MFRP: variants seen among roughly 807,000 people sequenced by gnomAD.
MFRP encodes membrane frizzled-related protein.
A neutral mutation model predicts 65.8 loss-of-function variants in MFRP; 74 were observed. That is an observed-to-expected ratio of 1.12 (90% CI 0.93 to 1.36). MFRP has a LOEUF of 1.36. Ranked by LOEUF, MFRP falls within the 40% of genes most tolerant of loss-of-function variation. MFRP has a pLI of 0.00. For missense variants in MFRP, 838 were observed against 736.0 expected, an observed-to-expected ratio of 1.14 and a Z score of -1.60; for synonymous variants, 336 against 288.3, an observed-to-expected ratio of 1.17 and a Z score of -1.68.
In MFRP at chr11:119,342,147, T is replaced by C. The variant is rs574461996; in HGVS notation, c.1388-163A>G. ...AGACAGGCTGTACACACTCTGAGGA[T>C]CCCTGCCATCCCTGAGAGCCTGCTC... On this transcript the variant is annotated intron_variant, in intron 11 of 14. Transcript: ENST00000619721. Among the ~76,000 whole-genome samples the C allele has an allele frequency of 3.3e-5, 5 of 152,238 alleles. No individual in the cohort carries two copies. In the South Asian group the frequency reaches 1.0e-3, roughly 32 times the overall value.
In MFRP at chr11:119,339,142, A is replaced by C; in HGVS notation, c.*1817T>G. Reference sequence around the variant, plus strand: ...TGGGCAGAAATCCAGCCACTGCCCCATGCTGCCAGACCTGATCGCAGACAG... The same window carrying C: ...TGGGCAGAAATCCAGCCACTGCCCCCTGCTGCCAGACCTGATCGCAGACAG... On this transcript the variant is annotated 3_prime_UTR_variant, in exon 15 of 15. Transcript: ENST00000619721. This position sits in a 1 kb window ranked among gnomAD's most constrained non-coding sequence, Gnocchi z 5.4. 1.5e-6 allele frequency: 1 copy of C among 654,720 alleles called. No homozygotes were observed. The highest frequency in any genetic ancestry group is 2.6e-6 in the Non-Finnish European group (1 of 390,994). The allele number at this position is 654,720 out of a possible 1,614,324, so 40.6% of individuals were successfully genotyped here.
Position 119,345,853 on chromosome 11 carries a change from G to T in MFRP, c.347C>A (p.Thr116Asn), listed in dbSNP as rs1299599168. Residue 116 changes from threonine (T) to asparagine (N), a missense_variant, in exon 4 of 15, where the codon ACC becomes AAC. Coordinates refer to ENST00000619721, the MANE Select transcript of MFRP (RefSeq NM_031433.4). Reference sequence around the variant, plus strand: ...TGCCTGAGAGGTGGTGATGGTGGGGGTGGTGGTGGTCGTGGTAAGGCCTCC... The same window carrying T: ...TGCCTGAGAGGTGGTGATGGTGGGGTTGGTGGTGGTCGTGGTAAGGCCTCC... The part of the protein sequence containing the change: ...PAGGLTTTTT[T>N]PTITTSQAAG... 3 of 1,613,834 alleles carry T rather than the reference G, an allele frequency of 1.9e-6. No homozygotes were observed. The highest frequency in any genetic ancestry group is 1.7e-6 in the Non-Finnish European group (2 of 1,179,948).
rs1232701587 is a variant in MFRP at position 119,345,789 on chromosome 11, G to A, written c.411C>T (p.Ser137=). The A allele has an allele frequency of 6.2e-7, 1 of 1,613,696 alleles. No homozygotes were observed. The highest frequency in any genetic ancestry group is 8.5e-7 in the Non-Finnish European group (1 of 1,180,024). ...TPKGQQESGV[S]PSPQSTCGGL... is the part of the protein sequence containing the mutation. ...AGTACTCACTGGACTGTGGGGAGGG[G>A]CTCACGCCTGACTCCTGCTGCCCTT... Residue 137 remains serine (S), a synonymous_variant, in exon 4 of 15, where the codon AGC becomes AGT. Transcript: ENST00000619721.
At chr11:119,342,072 G>C (rs1357690901) in intron 11 of MFRP, 88 bp from the exon 12 acceptor site, 1 of 1,541,792 alleles carries the variant, frequency 6.5e-7, no homozygotes, top group African/African-American at 1.4e-5. Flanking sequence ...GGTCCTGTGT[G>C]TACATGGGTC....
intron 10 of MFRP, 44 bp from the exon 11 acceptor site, chr11:119,342,771 A>G: frequency 6.2e-7 from 1 of 1,612,060 alleles, no homozygotes; most frequent in Non-Finnish European, 8.5e-7. Flanking sequence ...ACATACCTAC[A>G]CCCCCAGTAC....
chr11:119,346,230 G>A (rs894094120), intron 2 of MFRP, 42 bp downstream of exon 2: 1 of 1,572,906 alleles, frequency 6.4e-7, no homozygotes, highest in Non-Finnish European at 8.6e-7. Context: ...TTGGCTCCTG[G>A]GCCTCTCTGT....
rs753835210 is a variant in MFRP at position 119,344,386 on chromosome 11, C to A, written c.904G>T (p.Gly302Trp). The change falls in exon 8 of 15, where the codon GGG becomes TGG. Residue 302 changes from glycine (G) to tryptophan (W), a missense_variant. Coordinates refer to ENST00000619721, the MANE Select transcript of MFRP (RefSeq NM_031433.4). ...CCCTGGAGGCCAGTCAGATTCCCCC[C>A]ACACCCTGTAGAGAGGTGGAAGGGC... ...TNCSAKFSGCGGNLTGLQGTF... is the reference protein window; with the variant it reads ...TNCSAKFSGCWGNLTGLQGTF... 24 of 1,613,644 alleles carry A rather than the reference C, an allele frequency of 1.5e-5. No homozygotes were observed. Among genetic ancestry groups the A allele is most frequent in the African/African-American group, 2.7e-5 (2 of 75,006 alleles).
In MFRP at chr11:119,345,901, G is replaced by T. The variant is rs1399208418; in HGVS notation, c.299C>A (p.Ala100Glu). 8.7e-6 allele frequency: 14 copies of T among 1,613,494 alleles called. No individual in the cohort carries two copies. Among genetic ancestry groups the T allele is most frequent in the Non-Finnish European group, 1.2e-5 (14 of 1,179,740 alleles). ...TCCGGCAGGCAGTGGGCTATGGGAC[G>T]CCCCAGATGGGGGTGCAGCCTGCAG... is the stretch of plus-strand genomic sequence containing the variant. ...AQLQAAPPSG[A>E]SHSPLPAGGL... The change falls in exon 4 of 15, where the codon GCG becomes GAG. Residue 100 changes from alanine (A) to glutamate (E), a missense_variant. Physicochemically the swap from Ala to Glu is moderately radical, Grantham distance 107. Transcript: ENST00000619721.
At position 119,345,891 on chromosome 11, in the gene MFRP, G is replaced by A. The variant is rs767087902; in HGVS notation, c.309C>T (p.Ser103=). 13 of 1,613,632 alleles carry A rather than the reference G, an allele frequency of 8.1e-6. No homozygotes were observed. The highest frequency in any genetic ancestry group is 1.7e-5 in the Admixed American group (1 of 60,000). The change falls in exon 4 of 15, where the codon AGC becomes AGT. Residue 103 remains serine (S), a synonymous_variant. Coordinates refer to ENST00000619721, the MANE Select transcript of MFRP (RefSeq NM_031433.4). The part of the protein sequence containing the change: ...QAAPPSGASH[S]PLPAGGLTTT... ...TGGTAAGGCCTCCGGCAGGCAGTGG[G>A]CTATGGGACGCCCCAGATGGGGGTG...
chr11:119,340,638 G>C, intron 13 of MFRP, 57 bp downstream of exon 13: 1 of 545,470 alleles, frequency 1.8e-6, no homozygotes, highest in Non-Finnish European at 3.2e-6. Flanking sequence ...GCCGGCCCGC[G>C]CCAGCCTTTC....
chr11:119,339,476 A>G lies in MFRP; in HGVS notation c.*1483T>C. Reference sequence around the variant, plus strand: ...TTGGTCCTCAGGCTCCAGCCTCACCATGGCCCCCCCCGAGAGCGAGGCTGG... The same window carrying G: ...TTGGTCCTCAGGCTCCAGCCTCACCGTGGCCCCCCCCGAGAGCGAGGCTGG... On this transcript the variant is annotated 3_prime_UTR_variant, in exon 15 of 15. Coordinates refer to ENST00000619721, the MANE Select transcript of MFRP (RefSeq NM_031433.4). This position sits in a 1 kb window ranked among gnomAD's most constrained non-coding sequence, Gnocchi z 5.4. 1 of 1,613,926 alleles carries G rather than the reference A, an allele frequency of 6.2e-7. No individual in the cohort carries two copies. Among genetic ancestry groups the G allele is most frequent in the South Asian group, 1.1e-5 (1 of 91,062 alleles).
intron 11 of MFRP, 149 bp downstream of exon 11, chr11:119,342,447 T>C: frequency 1.0e-6 from 1 of 986,290 alleles, no homozygotes; most frequent in South Asian, 1.6e-5. Flanking sequence ...CTTCCAGGAC[T>C]CTGTGAAGTG....
At position 119,339,487 on chromosome 11, in the gene MFRP, CG is replaced by C; in HGVS notation, c.*1471del. 6.2e-7 allele frequency: 1 copy of C among 1,614,016 alleles called. No individual in the cohort carries two copies. The highest frequency in any genetic ancestry group is 2.2e-5 in the East Asian group (1 of 44,882). ...GCTCCAGCCTCACCATGGCCCCCCC[CG>C]AGAGCGAGGCTGGCTTGGGCCACCC... is the stretch of plus-strand genomic sequence containing the variant. On this transcript the variant is annotated 3_prime_UTR_variant, in exon 15 of 15. Coordinates refer to ENST00000619721, the MANE Select transcript of MFRP (RefSeq NM_031433.4). This position sits in a 1 kb window ranked among gnomAD's most constrained non-coding sequence, Gnocchi z 5.4.
chr11:119,343,507 A>G lies in MFRP; in HGVS notation c.1124+309T>C, dbSNP rs185693094. Among the ~76,000 whole-genome samples the G allele has an allele frequency of 2.6e-3, 402 of 152,210 alleles. 6 individuals carry two copies. Among genetic ancestry groups the G allele is most frequent in the Non-Finnish European group, 3.8e-4 (26 of 68,018 alleles). On this transcript the variant is annotated intron_variant, in intron 9 of 14. Coordinates refer to ENST00000619721, the MANE Select transcript of MFRP (RefSeq NM_031433.4). Reference sequence around the variant, plus strand: ...ACTCCCGCCTGGGCAACAAAGTGACACTCTGCCTCAAAAAAAGAAGAAAAA... The same window carrying G: ...ACTCCCGCCTGGGCAACAAAGTGACGCTCTGCCTCAAAAAAAGAAGAAAAA...
rs1268775381 is a variant in MFRP, at chr11:119,342,739, AG to A, written c.1256-13del. ...GGGCCCACAGGGGTCTGCAGGCACA[AG>A]GGGCATGGCAGTGCCCGGGGACATA... On this transcript the variant is annotated splice_polypyrimidine_tract_variant and intron_variant, in intron 10 of 14. Coordinates refer to ENST00000619721, the MANE Select transcript of MFRP (RefSeq NM_031433.4). 6.2e-7 allele frequency: 1 copy of A among 1,613,496 alleles called. No individual in the cohort carries two copies. Among genetic ancestry groups the A allele is most frequent in the Admixed American group, 1.7e-5 (1 of 60,008 alleles).
intron 11 of MFRP, 142 bp from the exon 12 acceptor site, chr11:119,342,126 A>G (rs1488740245): frequency 1.8e-5 from 18 of 1,006,770 alleles, no homozygotes; most frequent in Non-Finnish European, 2.5e-5. Context: ...ACAAAGAGAC[A>G]GGCTGTACAC....
rs966935571 is a variant in MFRP at position 119,340,391 on chromosome 11, G to T, written c.*903C>A. On this transcript the variant is annotated 3_prime_UTR_variant, in exon 14 of 15. Coordinates refer to ENST00000619721, the MANE Select transcript of MFRP (RefSeq NM_031433.4). ...CCCAGGAGCAGCAGGACGAGGAGTG[G>T]CCTCATAGCGCTGGCACCGGGAGCC... is the stretch of plus-strand genomic sequence containing the variant. 26 of 1,544,956 alleles carry T rather than the reference G, an allele frequency of 1.7e-5. No individual in the cohort carries two copies. The African/African-American group carries it at 3.0e-4, about 18-fold the overall frequency.
chr11:119,343,283 G>A (rs903029571), intron 9 of MFRP, among the ~76,000 whole-genome samples: 1 of 152,238 alleles, frequency 6.6e-6, no homozygotes, highest in Non-Finnish European at 1.5e-5. Flanking sequence ...GGCTGAGTAG[G>A]GAGGATCACT....
intron 6 of MFRP, 45 bp downstream of exon 6, chr11:119,344,829 G>A (rs1340227200): frequency 6.2e-7 from 1 of 1,613,546 alleles, no homozygotes. Context: ...AGTGGGTGGA[G>A]GGGAAGAAAG....
Sources: allele counts gnomAD v4.1 joint callset (sites outside exome capture counted in the v4.1 genomes callset), GRCh38; gene constraint gnomAD v4.1.1; non-coding constraint Gnocchi (gnomAD v3.1); transcripts MANE v1.5; gene names NCBI Gene and HGNC (gene_info 2026-07-23, HGNC 2026-07-21).